ZBTB2: variants seen among roughly 807,000 people sequenced by gnomAD.
ZBTB2 encodes zinc finger and BTB domain-containing protein 2.
In ZBTB2, 2 loss-of-function variants were observed where a neutral mutation model predicts 39.5. That is an observed-to-expected ratio of 0.05 (90% CI 0.02 to 0.16). The LOEUF is 0.16. Ranked by LOEUF, ZBTB2 falls within the 10% of genes least tolerant of loss-of-function variation. The pLI, the probability that ZBTB2 is intolerant of heterozygous loss-of-function variation, is 1.00. For missense variants in ZBTB2, 391 were observed against 653.0 expected (o/e 0.60, Z 4.37); for synonymous variants, 251 against 256.6 (o/e 0.98, Z 0.21).
Position 151,364,723 on chromosome 6 carries a change from T to A in ZBTB2, c.*798A>T, listed in dbSNP as rs569959335. The A allele has an allele frequency of 6.6e-6, 1 of 152,426 alleles. No individual in the cohort carries two copies. The highest frequency in any genetic ancestry group is 1.9e-4 in the East Asian group (1 of 5,186). The allele number at this position is 152,426 out of a possible 1,614,324, so 9.4% of individuals were successfully genotyped here. A position where few individuals can be genotyped will look rare whatever the true frequency, so the allele number is the denominator to read the frequency against. Reference sequence around the variant, plus strand: ...GAAAGGCAATTTATAGAATAGTACATTCAAATTTGATTTTTAAAACAAATT... The same window carrying A: ...GAAAGGCAATTTATAGAATAGTACAATCAAATTTGATTTTTAAAACAAATT... On this transcript the variant is annotated 3_prime_UTR_variant, in exon 3 of 3. Coordinates refer to ENST00000325144, the MANE Select transcript of ZBTB2 (RefSeq NM_020861.3).
intron 1 of ZBTB2, among the ~76,000 whole-genome samples, chr6:151,381,494 C>T (rs1779033929): frequency 6.6e-6 from 1 of 151,792 alleles, no homozygotes; most frequent in Admixed American, 6.6e-5. Context: ...GCACTCTAGC[C>T]TGGGTGACAC....
Position 151,366,376 on chromosome 6 carries a change from C to T in ZBTB2, c.690G>A (p.Gln230=). ...TNLEASSSDE[Q]PASLTIAHVK... ...CGTGGGCTATTGTGAGGGACGCAGG[C>T]TGCTCATCGGAGGAAGATGCTTCCA... Residue 230 remains glutamine (Q), a synonymous_variant, in exon 3 of 3, where the codon CAG becomes CAA. Coordinates refer to ENST00000325144, the MANE Select transcript of ZBTB2 (RefSeq NM_020861.3). The surrounding 1 kb of genome is among the most constrained non-coding windows in gnomAD (Gnocchi z 7.1). The T allele has an allele frequency of 6.2e-7, 1 of 1,614,100 alleles. No homozygotes were observed. Among genetic ancestry groups the T allele is most frequent in the Non-Finnish European group, 8.5e-7 (1 of 1,180,022 alleles).
intron 1 of ZBTB2, among the ~76,000 whole-genome samples, chr6:151,382,079 T>C (rs1220906961): frequency 3.9e-5 from 6 of 152,214 alleles, no homozygotes; most frequent in African/African-American, 1.4e-4. Flanking sequence ...GACAGCATGT[T>C]ACTGTACTGT....
chr6:151,389,544 GCGTTTAAGCAAACCCAGAGACCC>G (rs1424739300), intron 1 of ZBTB2, among the ~76,000 whole-genome samples: 1 of 152,172 alleles, frequency 6.6e-6, no homozygotes, highest in Non-Finnish European at 1.5e-5. Flanking sequence ...ACAGGGCAGC[GCGTTTAAGCAAACCCAGAGACCC>G]CCTGGAGTTC....
chr6:151,391,139 T>C (rs1165672014), intron 1 of ZBTB2, among the ~76,000 whole-genome samples: 1 of 148,670 alleles, frequency 6.7e-6, no homozygotes, highest in Non-Finnish European at 1.5e-5. Flanking sequence ...GATGGTTTTG[T>C]CAAGCGGCCA....
intron 1 of ZBTB2, among the ~76,000 whole-genome samples, chr6:151,388,691 A>G (rs567404657): frequency 6.6e-6 from 1 of 152,126 alleles, no homozygotes. Flanking sequence ...CTATTATTTT[A>G]TATTATCTTA....
chr6:151,374,722 T>C (rs1025169540), intron 1 of ZBTB2, among the ~76,000 whole-genome samples: 1 of 137,452 alleles, frequency 7.3e-6, no homozygotes, highest in African/African-American at 2.7e-5. Context: ...AAAAAGCATA[T>C]AGAAGAAAAA....
intron 1 of ZBTB2, among the ~76,000 whole-genome samples, chr6:151,387,132 C>T (rs78811723): frequency 0.016 from 2,425 of 152,210 alleles, 60 homozygotes; most frequent in African/African-American, 0.056. Flanking sequence ...GTGGACAGTC[C>T]TCTTTTATAT....
intron 1 of ZBTB2, among the ~76,000 whole-genome samples, chr6:151,385,352 T>C (rs1038058081): frequency 2.6e-5 from 4 of 152,364 alleles, no homozygotes; most frequent in South Asian, 2.1e-4. Flanking sequence ...TAACAGGACA[T>C]TGACCACCTA....
chr6:151,372,625 G>A (rs970321159), intron 2 of ZBTB2, among the ~76,000 whole-genome samples: 3 of 152,162 alleles, frequency 2.0e-5, no homozygotes, highest in Non-Finnish European at 4.4e-5. Context: ...AGACAGGAGA[G>A]ATGAGAAGAA....
At chr6:151,372,029 C>G (rs528025381) in intron 2 of ZBTB2, among the ~76,000 whole-genome samples, 1 of 152,162 alleles carries the variant, frequency 6.6e-6, no homozygotes, top group Non-Finnish European at 1.5e-5. Flanking sequence ...GAATAGAGTT[C>G]TGGAGACAGA....
chr6:151,375,001 T>A (rs953982611), intron 1 of ZBTB2, among the ~76,000 whole-genome samples: 1 of 148,936 alleles, frequency 6.7e-6, no homozygotes, highest in Non-Finnish European at 1.5e-5. Context: ...GCGCCTGTAG[T>A]CCCAGCTACT....
chr6:151,369,899 A>G (rs534785708), intron 2 of ZBTB2, among the ~76,000 whole-genome samples: 5 of 151,978 alleles, frequency 3.3e-5, no homozygotes, highest in Admixed American at 1.3e-4. Flanking sequence ...CAAGAGCGAG[A>G]CTCCATCTCA....
At position 151,365,811 on chromosome 6, in the gene ZBTB2, TGTAA is replaced by T; in HGVS notation, c.1251_1254del (p.Tyr418ProfsTer60). The T allele has an allele frequency of 6.2e-7, 1 of 1,614,184 alleles. No homozygotes were observed. The highest frequency in any genetic ancestry group is 8.5e-7 in the Non-Finnish European group (1 of 1,180,036). On this transcript the variant is annotated frameshift_variant, in exon 3 of 3. Coordinates refer to ENST00000325144, the MANE Select transcript of ZBTB2 (RefSeq NM_020861.3). LOFTEE classifies it high-confidence loss of function. This position sits in a 1 kb window ranked among gnomAD's most constrained non-coding sequence, Gnocchi z 5.6. ...TCCAGAGTCTGTTTGTCCACCATGGTGTAAGTGTCGATGCTCTGGTTGAGGCACA... is the reference window on the plus strand; with the variant it reads ...TCCAGAGTCTGTTTGTCCACCATGGTGTGTCGATGCTCTGGTTGAGGCACA...
Position 151,364,139 on chromosome 6 carries a change from C to A in ZBTB2, c.*1382G>T, listed in dbSNP as rs1056418643. 6.6e-6 allele frequency: 1 copy of A among 151,810 alleles called. No individual in the cohort carries two copies. The highest frequency in any genetic ancestry group is 1.5e-5 in the Non-Finnish European group (1 of 67,930). 9.4% of individuals were successfully genotyped at this position (151,810 alleles called of 1,614,324 possible). On this transcript the variant is annotated 3_prime_UTR_variant, in exon 3 of 3. Coordinates refer to ENST00000325144, the MANE Select transcript of ZBTB2 (RefSeq NM_020861.3). ...ATACTCATTTAATTAAACGTTTATT[C>A]AATGAAAGGATGTATAAAAACTTAC...
intron 1 of ZBTB2, among the ~76,000 whole-genome samples, chr6:151,390,254 G>A (rs1430906897): frequency 6.7e-6 from 1 of 150,266 alleles, no homozygotes; most frequent in South Asian, 2.1e-4. Context: ...GCCTGAGCGC[G>A]CCGCAACAGC....
intron 1 of ZBTB2, among the ~76,000 whole-genome samples, chr6:151,377,535 ATTTTTTTT>A (rs769474299): frequency 9.7e-6 from 1 of 103,448 alleles, no homozygotes; most frequent in East Asian, 2.6e-4. Context: ...TGTCTGGCTA[ATTTTTTTT>A]TTTTTTTTTT....
intron 1 of ZBTB2, among the ~76,000 whole-genome samples, chr6:151,386,373 T>C (rs1779147950): frequency 1.3e-5 from 2 of 152,078 alleles, no homozygotes; most frequent in Admixed American, 6.6e-5. Flanking sequence ...ACCCTGTCTC[T>C]ATAAAAAGAA....
intron 1 of ZBTB2, among the ~76,000 whole-genome samples, chr6:151,387,026 T>G (rs1779172016): frequency 6.6e-6 from 1 of 152,202 alleles, no homozygotes. Flanking sequence ...ACTCCTCAAT[T>G]AACTCTGTTT....
Sources: gnomAD v4.1 joint callset for allele counts (sites outside exome capture counted in the v4.1 genomes callset) on GRCh38, gnomAD v4.1.1 for gene constraint, Gnocchi (gnomAD v3.1) non-coding constraint, MANE v1.5 for transcripts, NCBI Gene and HGNC (gene_info 2026-07-23, HGNC 2026-07-21) for gene names.